Variants in DNAAF5 observed in about 807,000 individuals in gnomAD.
The protein encoded by DNAAF5 is dynein axonemal assembly factor 5, also known as HEAT repeat containing 2.
DNAAF5 carries 64 observed loss-of-function variants against 75.8 expected under a neutral mutation model. The observed-to-expected ratio is 0.84, with a 90% CI of 0.69 to 1.04. DNAAF5 has a LOEUF of 1.04. Among genes scored for constraint, DNAAF5 ranks in the 50% least tolerant of loss-of-function variants. The probability of loss-of-function intolerance (pLI) is 0.00; values close to 1 mark genes in which losing one functional copy is unlikely to be tolerated. For missense variants in DNAAF5, 1,269 were observed against 1,178.5 expected, an observed-to-expected ratio of 1.08 and a Z score of -1.12; for synonymous variants, 657 against 557.2, an observed-to-expected ratio of 1.18 and a Z score of -2.52.
chr7:753,598 C>T (rs1466698354), intron 4 of DNAAF5, among the ~76,000 whole-genome samples: 2 of 53,118 alleles, frequency 3.8e-5, no homozygotes, highest in Non-Finnish European at 8.7e-5. Context: ...GCTTCACAGA[C>T]GTGTCTCTCA....
chr7:765,053 C>T (rs192318419), intron 8 of DNAAF5, among the ~76,000 whole-genome samples: 4 of 152,174 alleles, frequency 2.6e-5, no homozygotes, highest in African/African-American at 7.2e-5. Context: ...CCCAGGAGTT[C>T]GAAGCTTCAG....
At chr7:772,275 T>C (rs1228870007) in intron 9 of DNAAF5, 1 of 152,262 alleles carries the variant, frequency 6.6e-6, no homozygotes, top group Non-Finnish European at 1.5e-5. Context: ...TTCTTAAAAT[T>C]CTGTAGTAAT....
At chr7:782,413 C>A (rs62432895) in intron 12 of DNAAF5, among the ~76,000 whole-genome samples, 2 of 35,920 alleles carry the variant, frequency 5.6e-5, no homozygotes, top group Admixed American at 3.2e-4. Flanking sequence ...GCCGCCTCCC[C>A]TCACGCGGCG....
Position 727,270 on chromosome 7 carries a change from C to A in DNAAF5, c.550C>A (p.Arg184Ser), listed in dbSNP as rs878855039. ...GCTCGACCCCTTCGCCGCCGTGCGC[C>A]GCGAGAGCTGCAGCTGCGCCGCCGC... ...SLLDPFAAVRRESCSCAAALA... is the reference protein window; with the variant it reads ...SLLDPFAAVRSESCSCAAALA... The change falls in exon 1 of 13, where the codon CGC (arginine) becomes AGC (serine). Residue 184 changes from arginine (R) to serine (S), a missense_variant. Physicochemically the swap from Arg to Ser is moderately radical, Grantham distance 110. Transcript: ENST00000297440. The A allele has an allele frequency of 6.4e-4, 844 of 1,325,432 alleles. 1 individual carries two copies. Among genetic ancestry groups the A allele is most frequent in the Middle Eastern group, 1.7e-3 (6 of 3,486 alleles). 82.1% of individuals were successfully genotyped at this position (1,325,432 alleles called of 1,614,324 possible).
At chr7:762,806 G>A (rs1281580921) in intron 7 of DNAAF5, among the ~76,000 whole-genome samples, 1 of 152,078 alleles carries the variant, frequency 6.6e-6, no homozygotes, top group Non-Finnish European at 1.5e-5. Flanking sequence ...TAGAGACAAG[G>A]TTTTGCCACG....
chr7:754,552 G>C lies in DNAAF5; in HGVS notation c.1025-37G>C, dbSNP rs756017306. On this transcript the variant is annotated intron_variant, in intron 4 of 12. Coordinates refer to ENST00000297440, the MANE Select transcript of DNAAF5 (RefSeq NM_017802.4). The surrounding 1 kb of genome is among the most constrained non-coding windows in gnomAD (Gnocchi z 4.8). ...AACTTGAGTTGTTGAGGTTTTGCTT[G>C]TGAATTTCTCATTCTTCTTTCCCTT... The C allele has an allele frequency of 3.2e-6, 5 of 1,567,888 alleles. No homozygotes were observed. The South Asian group carries it at 4.4e-5, about 14-fold the overall frequency.
chr7:785,426 T>C, intron 12 of DNAAF5, 91 bp from the exon 13 acceptor site: 1 of 1,444,484 alleles, frequency 6.9e-7, no homozygotes, highest in Non-Finnish European at 9.6e-7. Flanking sequence ...TTACAGATGC[T>C]TGAACTTCAC....
chr7:780,086 C>G lies in DNAAF5; in HGVS notation c.2373C>G (p.Tyr791Ter). The change falls in exon 12 of 13, where the codon TAC (tyrosine) becomes TAG (stop). Residue 791 changes from tyrosine (Y) to a stop codon, truncating the protein, a stop_gained. Coordinates refer to ENST00000297440, the MANE Select transcript of DNAAF5 (RefSeq NM_017802.4). LOFTEE classifies it high-confidence loss of function. ...SYYQSSVQYLYRELLVHLDDP... is the reference protein window; with the variant it reads ...SYYQSSVQYL Reference sequence around the variant, plus strand: ...ATCAGAGCAGTGTCCAGTACCTGTACCGAGAGTTGCTGGTTCACCTTGACG... The same window carrying G: ...ATCAGAGCAGTGTCCAGTACCTGTAGCGAGAGTTGCTGGTTCACCTTGACG... The G allele has an allele frequency of 6.2e-7, 1 of 1,614,220 alleles. No individual in the cohort carries two copies.
intron 12 of DNAAF5, 132 bp from the exon 13 acceptor site, chr7:785,385 C>G (rs1779114344): frequency 2.1e-6 from 2 of 971,546 alleles, no homozygotes; most frequent in Non-Finnish European, 3.2e-6. Context: ...TGTATGTCCA[C>G]CCAGCAGCGT....
chr7:757,146 C>T (rs1782511317), intron 6 of DNAAF5, 152 bp downstream of exon 6: 9 of 733,350 alleles, frequency 1.2e-5, no homozygotes, highest in African/African-American at 5.3e-5. Flanking sequence ...CGCCCCGTGC[C>T]GCCAGGCCGG....
chr7:776,148 G>A (rs974375011), intron 11 of DNAAF5, among the ~76,000 whole-genome samples: 3 of 152,062 alleles, frequency 2.0e-5, no homozygotes, highest in Non-Finnish European at 2.9e-5. Flanking sequence ...AACCATCCTG[G>A]CCAAAATGGT....
rs563746272 is a variant in DNAAF5, at chr7:770,817, G to A, written c.1931+199G>A. 614 of 531,748 alleles carry A rather than the reference G, an allele frequency of 1.2e-3. 18 individuals carry two copies. The South Asian group carries it at 0.015, about 13-fold the overall frequency. The allele number at this position is 531,748 out of a possible 1,614,324, so 32.9% of individuals were successfully genotyped here. A position where few individuals can be genotyped will look rare whatever the true frequency, so the allele number is the denominator to read the frequency against. ...GGTCCCCACCTCCCTCCCCCACGCC[G>A]AGTCTAAGGTGGGCCGGGGGTCCCC... is the stretch of plus-strand genomic sequence containing the variant. On this transcript the variant is annotated intron_variant, in intron 9 of 12. Coordinates refer to ENST00000297440, the MANE Select transcript of DNAAF5 (RefSeq NM_017802.4).
intron 4 of DNAAF5, among the ~76,000 whole-genome samples, chr7:746,684 C>T (rs1222737651): frequency 1.3e-5 from 2 of 151,678 alleles, no homozygotes; most frequent in Non-Finnish European, 2.9e-5. Context: ...CATCCTGCCA[C>T]CCCCTGCCCA....
At chr7:747,637 G>T (rs113383778) in intron 4 of DNAAF5, among the ~76,000 whole-genome samples, 1 of 150,510 alleles carries the variant, frequency 6.6e-6, no homozygotes, top group Non-Finnish European at 1.5e-5. Flanking sequence ...GTGTGCAGTG[G>T]TGGCCCACAG....
chr7:736,711 A>G (rs996446299), intron 2 of DNAAF5, among the ~76,000 whole-genome samples: 2 of 152,080 alleles, frequency 1.3e-5, no homozygotes, highest in Non-Finnish European at 2.9e-5. Context: ...CAATGTTGTT[A>G]TTGATAAGTA....
chr7:774,748 C>T (rs2128085048), intron 10 of DNAAF5, among the ~76,000 whole-genome samples: 1 of 152,308 alleles, frequency 6.6e-6, no homozygotes, highest in East Asian at 1.9e-4. Flanking sequence ...GTCCTTGGGG[C>T]CCAGGCGAGC....
intron 6 of DNAAF5, among the ~76,000 whole-genome samples, chr7:759,882 A>G (rs1782591107): frequency 6.6e-6 from 1 of 152,222 alleles, no homozygotes; most frequent in Non-Finnish European, 1.5e-5. Context: ...CGCTCCTGAA[A>G]TGTACATGAC....
At chr7:731,050 C>T (rs1314249147) in intron 2 of DNAAF5, among the ~76,000 whole-genome samples, 1 of 152,188 alleles carries the variant, frequency 6.6e-6, no homozygotes, top group Non-Finnish European at 1.5e-5. Flanking sequence ...TTCAAGGGGC[C>T]AGGGCAAGAA....
chr7:768,567 TG>T (rs1356071109), intron 8 of DNAAF5: 1 of 153,502 alleles, frequency 6.5e-6, no homozygotes, highest in Non-Finnish European at 1.4e-5. Flanking sequence ...GCGCTAGTGC[TG>T]GGAGGGCAGA....
Sources: gnomAD v4.1 joint callset for allele counts (sites outside exome capture counted in the v4.1 genomes callset) on GRCh38, gnomAD v4.1.1 for gene constraint, Gnocchi (gnomAD v3.1) non-coding constraint, MANE v1.5 for transcripts, NCBI Gene and HGNC (gene_info 2026-07-23, HGNC 2026-07-21) for gene names.